FAM162B: variants seen among roughly 807,000 people sequenced by gnomAD.
FAM162B encodes the protein family with sequence similarity 162 member B.
A neutral mutation model predicts 20.0 loss-of-function variants in FAM162B; 16 were observed. The observed-to-expected ratio is 0.80, with a 90% CI of 0.54 to 1.21. The LOEUF (loss-of-function observed/expected upper bound fraction) is 1.21, where lower values mean the gene tolerates loss of function less well. FAM162B is among the 50% of genes most tolerant of loss of function. The probability of loss-of-function intolerance (pLI) is 0.00; values close to 1 mark genes in which losing one functional copy is unlikely to be tolerated. For synonymous variants in FAM162B, 83 were observed against 89.7 expected, an observed-to-expected ratio of 0.93 and a Z score of 0.42; for missense variants, 260 against 227.5, an observed-to-expected ratio of 1.14 and a Z score of -0.92.
Position 116,765,539 on chromosome 6 carries a change from C to A in FAM162B, c.38G>T (p.Arg13Leu), listed in dbSNP as rs1247812988. The change falls in exon 1 of 4, where the codon CGC becomes CTC. Residue 13 changes from arginine (R) to leucine (L), a missense_variant. By Grantham distance (102) the Arg-to-Leu change is moderately radical (BLOSUM62 -2). Coordinates refer to ENST00000368557, the MANE Select transcript of FAM162B (RefSeq NM_001085480.3). ...GGGGCCGCAGCGGACTGTTAGCCCG[C>A]GGCCAAGGCGCAGTAGGCTCCCGAC... is the stretch of plus-strand genomic sequence containing the variant. ...RAVGSLLRLG[R>L]GLTVRCGPGA... The A allele has an allele frequency of 5.0e-6, 7 of 1,387,356 alleles. No individual in the cohort carries two copies. Among genetic ancestry groups the A allele is most frequent in the Non-Finnish European group, 5.6e-6 (6 of 1,079,058 alleles). The allele number at this position is 1,387,356 out of a possible 1,614,324, so 85.9% of individuals were successfully genotyped here.
chr6:116,752,878 G>C (rs904608679), intron 3 of FAM162B, among the ~76,000 whole-genome samples, 183 bp from the exon 4 acceptor site: 5 of 151,850 alleles, frequency 3.3e-5, no homozygotes, highest in Admixed American at 6.6e-5. Context: ...AATGGGAAGA[G>C]AGAACAGACT....
chr6:116,761,673 TATATATAC>T (rs1440538789), intron 3 of FAM162B, among the ~76,000 whole-genome samples: 23 of 141,920 alleles, frequency 1.6e-4, no homozygotes, highest in East Asian at 1.6e-3. Flanking sequence ...TATATATACT[TATATATAC>T]ATATATACAT....
chr6:116,752,582 T>C lies in FAM162B; in HGVS notation c.*15A>G. On this transcript the variant is annotated 3_prime_UTR_variant, in exon 4 of 4. Coordinates refer to ENST00000368557, the MANE Select transcript of FAM162B (RefSeq NM_001085480.3). ...CAGGGATGGTATTCAGGTGAACACT[T>C]TGTCACTTAGAATATCATTTAGCTT... is the stretch of plus-strand genomic sequence containing the variant. The C allele has an allele frequency of 6.6e-7, 1 of 1,515,654 alleles. No individual in the cohort carries two copies. The highest frequency in any genetic ancestry group is 9.0e-7 in the Non-Finnish European group (1 of 1,108,562). 93.9% of individuals were successfully genotyped at this position (1,515,654 alleles called of 1,614,324 possible). A position where few individuals can be genotyped will look rare whatever the true frequency, so the allele number is the denominator to read the frequency against.
chr6:116,763,646 G>T (rs1771849003), intron 2 of FAM162B, among the ~76,000 whole-genome samples: 2 of 152,054 alleles, frequency 1.3e-5, no homozygotes, highest in South Asian at 4.1e-4. Context: ...TATGTTAAAT[G>T]CAATACTGGG....
chr6:116,755,873 A>C (rs970405485), intron 3 of FAM162B, among the ~76,000 whole-genome samples: 4 of 152,174 alleles, frequency 2.6e-5, no homozygotes, highest in Non-Finnish European at 5.9e-5. Context: ...TGGCTTTCTG[A>C]ATACTTTAAG....
chr6:116,753,882 C>T (rs1033950781), intron 3 of FAM162B, among the ~76,000 whole-genome samples: 8 of 152,242 alleles, frequency 5.3e-5, no homozygotes, highest in East Asian at 3.9e-4. Flanking sequence ...ACTTGGAAGA[C>T]GTGGCCAACA....
rs747561267 is a variant in FAM162B at position 116,765,387 on chromosome 6, G to A, written c.172+18C>T. On this transcript the variant is annotated intron_variant, in intron 1 of 3. Coordinates refer to ENST00000368557, the MANE Select transcript of FAM162B (RefSeq NM_001085480.3). ...ACCTCCTCCCTCCCAGGACCTCCCC[G>A]TCGGAGCCCTGGCTCACCGTGACCT... 3.4e-6 allele frequency: 5 copies of A among 1,480,484 alleles called. No individual in the cohort carries two copies. In the East Asian group the frequency reaches 1.2e-4, roughly 36 times the overall value. 91.7% of individuals were successfully genotyped at this position (1,480,484 alleles called of 1,614,324 possible).
At chr6:116,752,740 A>T (rs930596653) in intron 3 of FAM162B, 45 bp from the exon 4 acceptor site, 8 of 505,874 alleles carry the variant, frequency 1.6e-5, no homozygotes, top group Non-Finnish European at 2.0e-5. Flanking sequence ...ATATAGATAC[A>T]CGTATATATA....
intron 2 of FAM162B, 29 bp downstream of exon 2, chr6:116,765,118 C>G (rs1417074174): frequency 2.5e-6 from 4 of 1,607,648 alleles, no homozygotes; most frequent in Non-Finnish European, 3.4e-6. Flanking sequence ...GGGACCGACT[C>G]TCCTTCGCGC....
chr6:116,753,821 G>T (rs1482737930), intron 3 of FAM162B, among the ~76,000 whole-genome samples: 4 of 152,196 alleles, frequency 2.6e-5, no homozygotes, highest in African/African-American at 9.6e-5. Context: ...GATCCATGGG[G>T]AGATTCCACT....
At chr6:116,757,260 C>A (rs1780061345) in intron 3 of FAM162B, among the ~76,000 whole-genome samples, 1 of 152,014 alleles carries the variant, frequency 6.6e-6, no homozygotes, top group Admixed American at 6.6e-5. Flanking sequence ...TTTACTGGAT[C>A]TATGTATCAA....
intron 1 of FAM162B, 32 bp downstream of exon 1, chr6:116,765,373 C>G: frequency 1.3e-6 from 2 of 1,490,786 alleles, no homozygotes; most frequent in Non-Finnish European, 1.8e-6. Context: ...CCTCCTCCCT[C>G]CCAGGACCTC....
At chr6:116,757,327 GATA>G (rs143073110) in intron 3 of FAM162B, among the ~76,000 whole-genome samples, 3,232 of 152,114 alleles carry the variant, frequency 0.021, 105 homozygotes, top group African/African-American at 0.073. Context: ...CAAAATTGTA[GATA>G]ATAATAAAGC....
At chr6:116,757,641 T>A (rs973958543) in intron 3 of FAM162B, among the ~76,000 whole-genome samples, 8 of 151,302 alleles carry the variant, frequency 5.3e-5, no homozygotes, top group African/African-American at 1.7e-4. Context: ...CCCAGATACT[T>A]AGGAGGCTGA....
rs144057110 is a variant in FAM162B, at chr6:116,762,764, A to G, written c.282-679T>C. On this transcript the variant is annotated intron_variant, in intron 2 of 3. Transcript: ENST00000368557. ...ACTTAAATTCTAAATATTCATTCATAGTTTTATGCATGTTGTCCAAGATTT... is the reference window on the plus strand; with the variant it reads ...ACTTAAATTCTAAATATTCATTCATGGTTTTATGCATGTTGTCCAAGATTT... 4.2e-3 allele frequency among the ~76,000 whole-genome samples: 644 copies of G among 152,272 alleles called. 22 individuals carry two copies. Among genetic ancestry groups the G allele is most frequent in the Admixed American group, 0.032 (485 of 15,292 alleles).
chr6:116,764,064 G>A (rs916742379), intron 2 of FAM162B, among the ~76,000 whole-genome samples: 33 of 152,204 alleles, frequency 2.2e-4, no homozygotes, highest in Middle Eastern at 3.4e-3. Context: ...AAATGCTTCA[G>A]AATTCATTAC....
At chr6:116,764,317 A>T (rs1242966535) in intron 2 of FAM162B, among the ~76,000 whole-genome samples, 1 of 152,176 alleles carries the variant, frequency 6.6e-6, no homozygotes, top group African/African-American at 2.4e-5. Flanking sequence ...TAAAAGATAA[A>T]CTTAAAAAGT....
intron 2 of FAM162B, among the ~76,000 whole-genome samples, chr6:116,763,733 A>G (rs533084247): frequency 6.0e-4 from 91 of 152,088 alleles, no homozygotes; most frequent in African/African-American, 2.1e-3. Context: ...GCCACTAGAA[A>G]TAAAAATTCA....
chr6:116,756,243 G>A (rs574022542), intron 3 of FAM162B, among the ~76,000 whole-genome samples: 5 of 152,280 alleles, frequency 3.3e-5, no homozygotes, highest in African/African-American at 1.2e-4. Flanking sequence ...GAGTTCGGAC[G>A]AAGCTGATTC....
Sources: allele counts gnomAD v4.1 joint callset (sites outside exome capture counted in the v4.1 genomes callset), GRCh38; gene constraint gnomAD v4.1.1; transcripts MANE v1.5; gene names NCBI Gene and HGNC (gene_info 2026-07-23, HGNC 2026-07-21).